AGBL1: variants seen among roughly 807,000 people sequenced by gnomAD.
AGBL1 encodes the protein AGBL carboxypeptidase 1.
In AGBL1, 130 loss-of-function variants were observed where a neutral mutation model predicts 118.9. That is an observed-to-expected ratio of 1.09 (90% CI 0.95 to 1.26). AGBL1 has a LOEUF of 1.26. Among genes scored for constraint, AGBL1 ranks in the 50% most tolerant of loss-of-function variants. The pLI is 0.00. For synonymous variants in AGBL1, 555 were observed against 478.9 expected, an observed-to-expected ratio of 1.16 and a Z score of -2.08; for missense variants, 1,584 against 1,298.1, an observed-to-expected ratio of 1.22 and a Z score of -3.38.
intron 17 of AGBL1, among the ~76,000 whole-genome samples, chr15:86,337,402 A>T (rs1350303708): frequency 6.6e-6 from 1 of 152,166 alleles, no homozygotes; most frequent in African/African-American, 2.4e-5. Flanking sequence ...TGCATGCAGA[A>T]TGTGTATGTC....
chr15:86,729,463 G>A (rs532067275), intron 22 of AGBL1, among the ~76,000 whole-genome samples: 8 of 152,216 alleles, frequency 5.3e-5, no homozygotes, highest in Admixed American at 3.3e-4. Flanking sequence ...AGTGTCTACC[G>A]TTGCCATCTT....
At chr15:86,438,256 A>C (rs2082022304) in intron 18 of AGBL1, among the ~76,000 whole-genome samples, 1 of 152,162 alleles carries the variant, frequency 6.6e-6, no homozygotes, top group South Asian at 2.1e-4. Flanking sequence ...GATTTTGAGA[A>C]AAAGGCAGGC....
In AGBL1 at chr15:86,584,890, C is replaced by T. The variant is rs146919013; in HGVS notation, c.2994+30353C>T. ...TGTTTTGTAGTTCTCCTTATAGAGA[C>T]CTTTGACTTCCTTGATTAGATCTAT... On this transcript the variant is annotated intron_variant, in intron 21 of 22. Coordinates refer to ENST00000614907, the MANE Select transcript of AGBL1 (RefSeq NM_001386094.1). Among the ~76,000 whole-genome samples the T allele has an allele frequency of 2.2e-4, 33 of 152,056 alleles. 1 individual carries two copies. The highest frequency in any genetic ancestry group is 7.4e-5 in the Non-Finnish European group (5 of 67,910).
At chr15:86,877,025 G>A (rs2079819724) in intron 22 of AGBL1, among the ~76,000 whole-genome samples, 1 of 152,134 alleles carries the variant, frequency 6.6e-6, no homozygotes, top group South Asian at 2.1e-4. Flanking sequence ...AGCATTCAGA[G>A]ATCAATTCTG....
chr15:86,415,240 C>T (rs1337616298), intron 18 of AGBL1, among the ~76,000 whole-genome samples: 3 of 152,108 alleles, frequency 2.0e-5, no homozygotes, highest in Admixed American at 1.3e-4. Context: ...TATACAACCC[C>T]AGGGAAAGAA....
At chr15:86,555,039 C>T (rs1023533924) in intron 21 of AGBL1, among the ~76,000 whole-genome samples, 5 of 152,156 alleles carry the variant, frequency 3.3e-5, no homozygotes, top group South Asian at 2.1e-4. Flanking sequence ...GTGTGCATGG[C>T]GTGGGTCTCC....
intron 8 of AGBL1, 112 bp downstream of exon 8, chr15:86,257,130 G>A: frequency 2.5e-6 from 3 of 1,179,368 alleles, no homozygotes; most frequent in Non-Finnish European, 3.5e-6. Flanking sequence ...AACCATAATT[G>A]TCTATTAAGC....
intron 19 of AGBL1, among the ~76,000 whole-genome samples, chr15:86,534,037 C>A (rs2083387118): frequency 8.1e-6 from 1 of 123,054 alleles, no homozygotes; most frequent in Non-Finnish European, 1.6e-5. Flanking sequence ...GGGTGCAGCG[C>A]ACCAGCATGG....
At chr15:86,239,537 C>T (rs2078608169) in intron 6 of AGBL1, among the ~76,000 whole-genome samples, 1 of 151,716 alleles carries the variant, frequency 6.6e-6, no homozygotes. Context: ...CGCACTCACA[C>T]CTGGGCCTGA....
chr15:86,738,443 C>G (rs758360618), intron 22 of AGBL1, among the ~76,000 whole-genome samples: 1 of 151,966 alleles, frequency 6.6e-6, no homozygotes, highest in African/African-American at 2.4e-5. Context: ...GTCAAATTGT[C>G]CCTCTTGCAA....
intron 22 of AGBL1, among the ~76,000 whole-genome samples, chr15:86,747,041 T>C (rs2077767625): frequency 6.6e-6 from 1 of 151,990 alleles, no homozygotes; most frequent in Non-Finnish European, 1.5e-5. Context: ...TGGAAGTGAA[T>C]AGGGATGATA....
chr15:86,970,522 A>T (rs1194587524), intron 23 of AGBL1, among the ~76,000 whole-genome samples: 1 of 151,996 alleles, frequency 6.6e-6, no homozygotes, highest in Non-Finnish European at 1.5e-5. Context: ...TATGTGCTCA[A>T]AGTCATAGTG....
chr15:87,022,493 A>G (rs1816431), intron 24 of AGBL1, among the ~76,000 whole-genome samples: 69,651 of 151,924 alleles, frequency 0.46, 18,445 homozygotes, highest in African/African-American at 0.73. Context: ...TTGGTGCTCC[A>G]GAGGAAGAAG....
chr15:86,457,412 G>T (rs147033962), intron 18 of AGBL1, among the ~76,000 whole-genome samples: 65 of 152,276 alleles, frequency 4.3e-4, no homozygotes, highest in Non-Finnish European at 7.6e-4. Flanking sequence ...ACCCCGCTGG[G>T]AGCCAATTTT....
chr15:87,017,141 C>T (rs2081614994), intron 24 of AGBL1, among the ~76,000 whole-genome samples: 1 of 152,070 alleles, frequency 6.6e-6, no homozygotes, highest in Non-Finnish European at 1.5e-5. Context: ...CTGAGAAGGA[C>T]AAAGTTCCTG....
chr15:86,836,782 T>C (rs563425817), intron 22 of AGBL1, among the ~76,000 whole-genome samples: 1 of 152,254 alleles, frequency 6.6e-6, no homozygotes, highest in East Asian at 1.9e-4. Flanking sequence ...AGGTTTCTAA[T>C]CATTAGGGTT....
At chr15:86,444,375 G>T (rs1237249453) in intron 18 of AGBL1, among the ~76,000 whole-genome samples, 8 of 152,172 alleles carry the variant, frequency 5.3e-5, no homozygotes, top group Non-Finnish European at 1.5e-5. Flanking sequence ...AAGAGCTGGG[G>T]TTAGCCCTAC....
downstream of AGBL1, among the ~76,000 whole-genome samples, chr15:86,917,586 T>C (rs2080439552): frequency 6.6e-6 from 1 of 152,208 alleles, no homozygotes; most frequent in Admixed American, 6.5e-5. This position sits in a 1 kb window ranked among gnomAD's most constrained non-coding sequence, Gnocchi z 4.8. Flanking sequence ...GGATCACCTC[T>C]ACAACCTTGT....
intron 22 of AGBL1, among the ~76,000 whole-genome samples, chr15:86,787,711 T>G (rs2078433987): frequency 6.6e-6 from 1 of 152,170 alleles, no homozygotes; most frequent in Non-Finnish European, 1.5e-5. Context: ...CAGATATATT[T>G]TTGAGGTTCT....
Sources: allele counts gnomAD v4.1 joint callset (sites outside exome capture counted in the v4.1 genomes callset), GRCh38; gene constraint gnomAD v4.1.1; non-coding constraint Gnocchi (gnomAD v3.1); transcripts MANE v1.5; gene names NCBI Gene and HGNC (gene_info 2026-07-23, HGNC 2026-07-21).